JARID2: variants seen among roughly 807,000 people sequenced by gnomAD.
JARID2 encodes jumonji and AT-rich interaction domain containing 2, also known as protein Jumonji.
Under a neutral mutation model 125.6 loss-of-function variants are expected in JARID2, and 21 were observed. That is an observed-to-expected ratio of 0.17 (90% confidence interval 0.12 to 0.24). The LOEUF is 0.24. JARID2 is among the 10% of genes least tolerant of loss of function. The pLI is 1.00. For missense variants in JARID2, 1,303 were observed against 1,639.6 expected (o/e 0.79, Z 3.55); for synonymous variants, 736 against 661.6 (o/e 1.11, Z -1.73).
chr6:15,503,505 G>T (rs1386821786), intron 8 of JARID2, among the ~76,000 whole-genome samples: 1 of 152,150 alleles, frequency 6.6e-6, no homozygotes, highest in Non-Finnish European at 1.5e-5. Flanking sequence ...GGTGTCCAGT[G>T]CTCCGCAGGG....
At chr6:15,381,982 A>G (rs995245770) in intron 2 of JARID2, among the ~76,000 whole-genome samples, 1 of 152,226 alleles carries the variant, frequency 6.6e-6, no homozygotes, top group Non-Finnish European at 1.5e-5. Context: ...TGTAGGATAA[A>G]TGCTTTAACA....
At chr6:15,387,490 CCT>C (rs1457393496) in intron 2 of JARID2, among the ~76,000 whole-genome samples, 5 of 152,104 alleles carry the variant, frequency 3.3e-5, no homozygotes, top group African/African-American at 1.2e-4. Context: ...GGACTCCAGC[CCT>C]CTCAGGTCAG....
intron 1 of JARID2, among the ~76,000 whole-genome samples, chr6:15,255,043 A>G (rs552908297): frequency 6.6e-6 from 1 of 151,894 alleles, no homozygotes; most frequent in South Asian, 2.1e-4. Flanking sequence ...AAACACCACA[A>G]AAACACACAA....
intron 1 of JARID2, among the ~76,000 whole-genome samples, chr6:15,283,145 A>AT (rs1183995474): frequency 2.7e-5 from 4 of 149,050 alleles, no homozygotes; most frequent in African/African-American, 7.4e-5. Flanking sequence ...CGCCCGGCTA[A>AT]TTTTTTGTAT....
chr6:15,415,438 G>A (rs911814139), intron 3 of JARID2, among the ~76,000 whole-genome samples: 3 of 148,332 alleles, frequency 2.0e-5, no homozygotes, highest in Admixed American at 1.3e-4. Context: ...CTGGCCGGGC[G>A]GGGGGCTGAC....
intron 3 of JARID2, among the ~76,000 whole-genome samples, chr6:15,415,119 A>G (rs775306397): frequency 4.6e-5 from 7 of 152,246 alleles, no homozygotes; most frequent in Non-Finnish European, 1.0e-4. Flanking sequence ...TTCAGAGAGC[A>G]CAGGGTTGGG....
chr6:15,497,310 A>C, intron 7 of JARID2, 140 bp downstream of exon 7: 1 of 688,714 alleles, frequency 1.5e-6, no homozygotes, highest in South Asian at 2.0e-5. Flanking sequence ...TGGGCTTCTC[A>C]GCTCATTCCC....
At chr6:15,431,942 C>T (rs1038935088) in intron 3 of JARID2, among the ~76,000 whole-genome samples, 1 of 152,118 alleles carries the variant, frequency 6.6e-6, no homozygotes, top group South Asian at 2.1e-4. Context: ...CTCAGGAATG[C>T]CTGGTTAGGT....
At chr6:15,456,963 C>G (rs1029705808) in intron 4 of JARID2, among the ~76,000 whole-genome samples, 1 of 136,520 alleles carries the variant, frequency 7.3e-6, no homozygotes, top group African/African-American at 2.7e-5. Flanking sequence ...AAGAAGTAGG[C>G]AAAAGAATGC....
chr6:15,327,267 A>T (rs1287772266), intron 1 of JARID2, among the ~76,000 whole-genome samples: 1 of 152,034 alleles, frequency 6.6e-6, no homozygotes, highest in Non-Finnish European at 1.5e-5. Flanking sequence ...TTTTTAAGAG[A>T]CGGTCTTGCC....
At chr6:15,495,136 G>T (rs151031089) in intron 6 of JARID2, among the ~76,000 whole-genome samples, 1 of 152,158 alleles carries the variant, frequency 6.6e-6, no homozygotes, top group African/African-American at 2.4e-5. Flanking sequence ...ACATCTTCTC[G>T]AAACCAGCAT....
chr6:15,361,620 T>G (rs938183539), intron 1 of JARID2, among the ~76,000 whole-genome samples: 1 of 150,976 alleles, frequency 6.6e-6, no homozygotes, highest in Non-Finnish European at 1.5e-5. Flanking sequence ...CCATACCACC[T>G]TTTTTTTTGG....
intron 3 of JARID2, among the ~76,000 whole-genome samples, chr6:15,443,007 T>C (rs1767512268): frequency 6.6e-6 from 1 of 152,208 alleles, no homozygotes; most frequent in South Asian, 2.1e-4. Context: ...GTTCATATCT[T>C]GTAGATATTT....
chr6:15,404,521 A>G (rs111846941), intron 2 of JARID2, among the ~76,000 whole-genome samples: 184 of 1,068 alleles, frequency 0.17, no homozygotes, highest in African/African-American at 0.26. Flanking sequence ...CTTAAAGTGC[A>G]CACACACACA....
intron 3 of JARID2, among the ~76,000 whole-genome samples, chr6:15,450,263 G>A (rs12197673): frequency 1.3e-5 from 2 of 151,860 alleles, no homozygotes; most frequent in African/African-American, 2.4e-5. Flanking sequence ...TTCACCTCCC[G>A]GGTTCCAGCG....
chr6:15,338,628 G>A (rs1476507571), intron 1 of JARID2, among the ~76,000 whole-genome samples: 3 of 152,116 alleles, frequency 2.0e-5, no homozygotes, highest in Non-Finnish European at 4.4e-5. Context: ...GCCCAGGAAA[G>A]TAAAGAGGCA....
chr6:15,267,277 G>T (rs1351771390), intron 1 of JARID2, among the ~76,000 whole-genome samples: 1 of 152,090 alleles, frequency 6.6e-6, no homozygotes, highest in Non-Finnish European at 1.5e-5. Flanking sequence ...TCTTAAAGCG[G>T]CTTATCAGTA....
chr6:15,508,958 T>A (rs918456093), intron 12 of JARID2: 1 of 1,289,060 alleles, frequency 7.8e-7, no homozygotes, highest in East Asian at 5.5e-5. Context: ...GATTGGTTAT[T>A]TTCAGCCTCT....
At chr6:15,385,302 T>TAAA (rs1465176603) in intron 2 of JARID2, among the ~76,000 whole-genome samples, 3 of 152,116 alleles carry the variant, frequency 2.0e-5, no homozygotes, top group Non-Finnish European at 1.5e-5. Flanking sequence ...GGTTCCCCTT[T>TAAA]AAGTGCCCCC....
Sources: gnomAD v4.1 joint callset for allele counts (sites outside exome capture counted in the v4.1 genomes callset) on GRCh38, gnomAD v4.1.1 for gene constraint, MANE v1.5 for transcripts, NCBI Gene and HGNC (gene_info 2026-07-23, HGNC 2026-07-21) for gene names.